OTULINL: variants seen among roughly 807,000 people sequenced by gnomAD.
OTULINL encodes the protein OTU deubiquitinase with linear linkage specificity like.
Under a neutral mutation model 43.9 loss-of-function variants are expected in OTULINL, and 42 were observed. The observed-to-expected ratio is 0.96, with a 90% CI of 0.75 to 1.24. The LOEUF (loss-of-function observed/expected upper bound fraction) is 1.24, where lower values mean the gene tolerates loss of function less well. Among genes scored for constraint, OTULINL ranks in the 50% most tolerant of loss-of-function variants. OTULINL has a pLI of 0.00. For synonymous variants in OTULINL, 172 were observed against 153.6 expected (o/e 1.12, Z -0.88); for missense variants, 411 against 426.4 (o/e 0.96, Z 0.32).
chr5:14,592,716 G>A (rs1308647250), intron 1 of OTULINL, among the ~76,000 whole-genome samples: 2 of 152,200 alleles, frequency 1.3e-5, no homozygotes, highest in Non-Finnish European at 2.9e-5. Flanking sequence ...TCGTCATATG[G>A]AAGAGGAATC....
At chr5:14,610,075 C>G (rs25960) in intron 7 of OTULINL, 66 bp from the exon 8 acceptor site, 1,139,040 of 1,412,862 alleles carry the variant, frequency 0.81, 468,125 homozygotes, top group South Asian at 0.89. Flanking sequence ...ACACTTCCCC[C>G]CACCGTGGCG....
chr5:14,586,634 C>T (rs967934490), intron 1 of OTULINL, among the ~76,000 whole-genome samples: 1 of 152,110 alleles, frequency 6.6e-6, no homozygotes, highest in Non-Finnish European at 1.5e-5. Flanking sequence ...CCTAAAATAC[C>T]TCAGCTCTTT....
chr5:14,595,586 G>A (rs1413902078), intron 1 of OTULINL, among the ~76,000 whole-genome samples: 1 of 131,896 alleles, frequency 7.6e-6, no homozygotes, highest in African/African-American at 2.8e-5. Context: ...TTGGTATATT[G>A]TAGAGAATGG....
chr5:14,602,401 T>C, intron 5 of OTULINL, 69 bp downstream of exon 5: 1 of 1,439,342 alleles, frequency 6.9e-7, no homozygotes, highest in Non-Finnish European at 9.5e-7. Flanking sequence ...CTCCTAGTCT[T>C]TGGGGGCTTT....
chr5:14,613,785 G>A lies in OTULINL; in HGVS notation c.*3471G>A, dbSNP rs1185703250. Among the ~76,000 whole-genome samples, 1 of 152,196 alleles carries A rather than the reference G, an allele frequency of 6.6e-6. No homozygotes were observed. Among genetic ancestry groups the A allele is most frequent in the Non-Finnish European group, 1.5e-5 (1 of 68,032 alleles). ...GGACCGGAGACCTCCAGACTAAGCT[G>A]GTGGAGGATGGGCTCAACCTCCATG... On this transcript the variant is annotated 3_prime_UTR_variant, in exon 8 of 8. Transcript: ENST00000274217.
intron 5 of OTULINL, among the ~76,000 whole-genome samples, chr5:14,602,548 A>G (rs766300919): frequency 2.6e-5 from 4 of 152,074 alleles, no homozygotes; most frequent in Admixed American, 6.5e-5. Context: ...TGATTCTCCT[A>G]TCTCAGCCTC....
chr5:14,581,794 C>T lies in OTULINL; in HGVS notation c.-101C>T, dbSNP rs1467224891. On this transcript the variant is annotated 5_prime_UTR_variant, in exon 1 of 8. Transcript: ENST00000274217. ...GCCTCCCCCGCCCTCCCCAGCCCGC[C>T]TCAGGGAAGCGAGCCCGGGCGCCGG... 8 of 986,482 alleles carry T rather than the reference C, an allele frequency of 8.1e-6. No homozygotes were observed. Among genetic ancestry groups the T allele is most frequent in the South Asian group, 3.1e-5 (1 of 32,108 alleles). The allele number at this position is 986,482 out of a possible 1,614,324, so 61.1% of individuals were successfully genotyped here. A position where few individuals can be genotyped will look rare whatever the true frequency, so the allele number is the denominator to read the frequency against.
At chr5:14,595,053 G>A (rs1759263069) in intron 1 of OTULINL, among the ~76,000 whole-genome samples, 1 of 152,102 alleles carries the variant, frequency 6.6e-6, no homozygotes, top group African/African-American at 2.4e-5. Flanking sequence ...TTTTAGCCAG[G>A]TGATTTCACT....
chr5:14,601,377 G>T lies in OTULINL; in HGVS notation c.283G>T (p.Asp95Tyr). ...GAACCTCAGTGTGGAGGCAGAGGTT[G>T]ATTTACTCAGTTATTGTGCAAGAGA... The part of the protein sequence containing the change: ...KRNLSVEAEV[D>Y]LLSYCAREWK... Residue 95 changes from aspartate (D) to tyrosine (Y), a missense_variant, in exon 4 of 8, where the codon GAT becomes TAT. Coordinates refer to ENST00000274217, the MANE Select transcript of OTULINL (RefSeq NM_019018.3). 6.2e-7 allele frequency: 1 copy of T among 1,614,110 alleles called. No individual in the cohort carries two copies. The highest frequency in any genetic ancestry group is 8.5e-7 in the Non-Finnish European group (1 of 1,180,014).
chr5:14,601,572 G>C (rs1340883309), intron 4 of OTULINL, 130 bp downstream of exon 4: 1 of 844,236 alleles, frequency 1.2e-6, no homozygotes, highest in Non-Finnish European at 1.8e-6. Flanking sequence ...TAACAACTGT[G>C]GCTCTAACTC....
rs6875531 is a variant in OTULINL at position 14,602,245 on chromosome 5, C to G, written c.411C>G (p.Asn137Lys). 85 of 1,613,402 alleles carry G rather than the reference C, an allele frequency of 5.3e-5. 1 individual carries two copies. Among genetic ancestry groups the G allele is most frequent in the Middle Eastern group, 3.3e-4 (2 of 6,082 alleles). Residue 137 changes from asparagine to lysine, a missense_variant, in exon 5 of 8, where the codon AAC becomes AAG. Asn to Lys is a moderately conservative substitution (Grantham distance 94). Transcript: ENST00000274217. ...IKCVRQVRRD[N>K]YDALRSVLFQ... ...GTGTTCGACAAGTAAGGAGAGATAA[C>G]TATGATGCTCTCAGATCAGTGTTAT...
At position 14,615,649 on chromosome 5, in the gene OTULINL, A is replaced by T. The variant is rs1759661809; in HGVS notation, c.*5335A>T. 6.6e-6 allele frequency among the ~76,000 whole-genome samples: 1 copy of T among 152,222 alleles called. No individual in the cohort carries two copies. Among genetic ancestry groups the T allele is most frequent in the South Asian group, 2.1e-4 (1 of 4,834 alleles). ...AGAACAAATATTTACATCTGTTATG[A>T]AAAGCTACCTTTAGCCGTAGATAAA... On this transcript the variant is annotated 3_prime_UTR_variant, in exon 8 of 8. Coordinates refer to ENST00000274217, the MANE Select transcript of OTULINL (RefSeq NM_019018.3).
intron 1 of OTULINL, among the ~76,000 whole-genome samples, chr5:14,596,483 G>A (rs992138180): frequency 7.9e-5 from 12 of 152,094 alleles, no homozygotes; most frequent in Admixed American, 5.9e-4. Context: ...GTCTCATTAC[G>A]GTGTTTTCTT....
intron 1 of OTULINL, among the ~76,000 whole-genome samples, chr5:14,596,470 G>A (rs537548248): frequency 3.0e-4 from 46 of 152,322 alleles, no homozygotes; most frequent in African/African-American, 1.0e-3. Context: ...TGTTTTGCAA[G>A]ATGTCTCATT....
In OTULINL at chr5:14,601,083, C is replaced by T. The variant is rs1396047564; in HGVS notation, c.183C>T (p.Tyr61=). The change falls in exon 2 of 8, where the codon TAC becomes TAT. Residue 61 remains tyrosine (Y), a synonymous_variant. Transcript: ENST00000274217. ...AVSFLVAAIC[Y]FRRLHLYSGH... ...CATTTCTGGTGGCTGCCATCTGCTACTTCCGGAGGCTACATTTATATTCAG... is the reference window on the plus strand; with the variant it reads ...CATTTCTGGTGGCTGCCATCTGCTATTTCCGGAGGCTACATTTATATTCAG... 1.2e-6 allele frequency: 2 copies of T among 1,613,036 alleles called. No individual in the cohort carries two copies. The highest frequency in any genetic ancestry group is 4.5e-5 in the East Asian group (2 of 44,860).
chr5:14,589,022 A>G (rs921341123), intron 1 of OTULINL, among the ~76,000 whole-genome samples: 5 of 152,200 alleles, frequency 3.3e-5, no homozygotes, highest in Non-Finnish European at 7.3e-5. Context: ...ATGGAGACAC[A>G]TGGACGGGAT....
At chr5:14,609,654 G>T (rs1388486647) in intron 7 of OTULINL, among the ~76,000 whole-genome samples, 1 of 112,024 alleles carries the variant, frequency 8.9e-6, no homozygotes, top group Non-Finnish European at 1.7e-5. Flanking sequence ...TTTTTGAGAC[G>T]GAGTCTCGTT....
chr5:14,598,964 C>T (rs1422564433), intron 1 of OTULINL, among the ~76,000 whole-genome samples: 4 of 151,966 alleles, frequency 2.6e-5, no homozygotes, highest in Admixed American at 2.0e-4. Flanking sequence ...AAAATATTTG[C>T]TTGTGTCAGA....
Position 14,601,037 on chromosome 5 carries a change from G to T in OTULINL, c.137G>T (p.Gly46Val), listed in dbSNP as rs1428998653. The T allele has an allele frequency of 6.2e-7, 1 of 1,612,668 alleles. No homozygotes were observed. Among genetic ancestry groups the T allele is most frequent in the African/African-American group, 1.3e-5 (1 of 74,616 alleles). ...GACACTGTCTGGAGAATGGCAAAAGGCTTTGTGATGTTGGCAGTTTCATTT... is the reference window on the plus strand; with the variant it reads ...GACACTGTCTGGAGAATGGCAAAAGTCTTTGTGATGTTGGCAGTTTCATTT... Reference protein sequence around the residue: ...ALDTVWRMAKGFVMLAVSFLV... With the variant: ...ALDTVWRMAKVFVMLAVSFLV... The change falls in exon 2 of 8, where the codon GGC (glycine) becomes GTC (valine). Residue 46 changes from glycine (G) to valine (V), a missense_variant. By Grantham distance (109) the Gly-to-Val change is moderately radical (BLOSUM62 -3). Coordinates refer to ENST00000274217, the MANE Select transcript of OTULINL (RefSeq NM_019018.3).
Sources: allele counts gnomAD v4.1 joint callset (sites outside exome capture counted in the v4.1 genomes callset), GRCh38; gene constraint gnomAD v4.1.1; transcripts MANE v1.5; gene names NCBI Gene and HGNC (gene_info 2026-07-23, HGNC 2026-07-21).